LY86: variants seen among roughly 807,000 people sequenced by gnomAD.
The protein encoded by LY86 is lymphocyte antigen 86.
A neutral mutation model predicts 17.3 loss-of-function variants in LY86; 20 were observed. The ratio of observed to expected loss-of-function variants is 1.15; its 90% CI spans 0.81 to 1.68. The LOEUF (loss-of-function observed/expected upper bound fraction) is 1.68, where lower values mean the gene tolerates loss of function less well. Among genes scored for constraint, LY86 ranks in the 40% most tolerant of loss-of-function variants. The pLI, the probability that LY86 is intolerant of heterozygous loss-of-function variation, is 0.00. For missense variants in LY86, 200 were observed against 191.9 expected, an observed-to-expected ratio of 1.04 and a Z score of -0.25; for synonymous variants, 74 against 70.6, an observed-to-expected ratio of 1.05 and a Z score of -0.24.
chr6:6,652,290 C>T (rs1581254838), intron 4 of LY86, among the ~76,000 whole-genome samples: 3 of 152,018 alleles, frequency 2.0e-5, no homozygotes, highest in South Asian at 4.2e-4. Context: ...GTGGCTGGCC[C>T]GCAATGCACG....
rs866584797 is a variant in LY86, at chr6:6,617,846, T to C, written c.137-7080T>C. Reference sequence around the variant, plus strand: ...TGTTTTGTTTTGTTTTTTGTTTGTTTGTTTGTTTTCTTGAGACAGTGTCTC... The same window carrying C: ...TGTTTTGTTTTGTTTTTTGTTTGTTCGTTTGTTTTCTTGAGACAGTGTCTC... On this transcript the variant is annotated intron_variant, in intron 1 of 4. Coordinates refer to ENST00000230568, the MANE Select transcript of LY86 (RefSeq NM_004271.4). Among the ~76,000 whole-genome samples the C allele has an allele frequency of 2.6e-5, 4 of 152,192 alleles. No homozygotes were observed. The South Asian group carries it at 8.3e-4, about 31-fold the overall frequency.
chr6:6,605,977 A>C (rs1761124776), intron 1 of LY86, among the ~76,000 whole-genome samples: 1 of 152,082 alleles, frequency 6.6e-6, no homozygotes, highest in African/African-American at 2.4e-5. Context: ...CCAAAGAGCG[A>C]CCACCAGCAA....
intron 4 of LY86, among the ~76,000 whole-genome samples, chr6:6,652,537 T>C (rs921167856): frequency 6.6e-6 from 1 of 152,216 alleles, no homozygotes; most frequent in African/African-American, 2.4e-5. Context: ...TGCTGTCCTC[T>C]GTCTATGCCT....
At chr6:6,635,579 C>G (rs1413830470) in intron 3 of LY86, among the ~76,000 whole-genome samples, 1 of 152,176 alleles carries the variant, frequency 6.6e-6, no homozygotes, top group African/African-American at 2.4e-5. Context: ...TCTAGGGTAT[C>G]ACCTATGTTA....
At chr6:6,597,726 T>C (rs1760759318) in intron 1 of LY86, among the ~76,000 whole-genome samples, 1 of 152,230 alleles carries the variant, frequency 6.6e-6, no homozygotes, top group South Asian at 2.1e-4. Context: ...TGTGTGTCCC[T>C]CCTCCAGTGC....
chr6:6,613,297 G>A (rs1761445273), intron 1 of LY86, among the ~76,000 whole-genome samples: 1 of 152,246 alleles, frequency 6.6e-6, no homozygotes, highest in African/African-American at 2.4e-5. Flanking sequence ...CCCTTGTGCA[G>A]TCTAGGGGAC....
At chr6:6,651,099 ATCT>A (rs1235901950) in intron 4 of LY86, among the ~76,000 whole-genome samples, 3 of 152,230 alleles carry the variant, frequency 2.0e-5, no homozygotes, top group African/African-American at 7.2e-5. Context: ...TATATACCAC[ATCT>A]TCTTTATCCA....
intron 1 of LY86, among the ~76,000 whole-genome samples, chr6:6,602,182 C>T (rs1760930957): frequency 6.6e-6 from 1 of 152,202 alleles, no homozygotes; most frequent in Non-Finnish European, 1.5e-5. Context: ...CTGAAGAATG[C>T]TAATTATATA....
At chr6:6,647,963 T>TCACA (rs1561793391) in intron 3 of LY86, among the ~76,000 whole-genome samples, 2 of 127,886 alleles carry the variant, frequency 1.6e-5, no homozygotes, top group East Asian at 2.4e-4. Context: ...TCTTCAATCA[T>TCACA]CACATACACA....
At chr6:6,641,312 C>T (rs1762036153) in intron 3 of LY86, among the ~76,000 whole-genome samples, 1 of 152,220 alleles carries the variant, frequency 6.6e-6, no homozygotes, top group African/African-American at 2.4e-5. Flanking sequence ...TACTTATGCA[C>T]TATTGGACAC....
chr6:6,647,471 A>C (rs1762122774), intron 3 of LY86, among the ~76,000 whole-genome samples: 1 of 151,626 alleles, frequency 6.6e-6, no homozygotes, highest in Non-Finnish European at 1.5e-5. Flanking sequence ...TCTTCAGTCC[A>C]CCCCATTCAG....
chr6:6,633,327 C>G (rs1761920816), intron 3 of LY86, among the ~76,000 whole-genome samples: 1 of 152,182 alleles, frequency 6.6e-6, no homozygotes, highest in Non-Finnish European at 1.5e-5. Flanking sequence ...GGTAGAGACT[C>G]AGATTAAAGC....
chr6:6,608,229 T>C (rs1039367541), intron 1 of LY86, among the ~76,000 whole-genome samples: 15 of 152,268 alleles, frequency 9.9e-5, no homozygotes, highest in African/African-American at 3.4e-4. Context: ...AAAATACTAT[T>C]ATGTGCATAT....
At chr6:6,605,926 C>T (rs1014789071) in intron 1 of LY86, among the ~76,000 whole-genome samples, 7 of 152,172 alleles carry the variant, frequency 4.6e-5, no homozygotes, top group African/African-American at 1.4e-4. Context: ...AAGCTGCAGA[C>T]CTTCACAGTA....
At chr6:6,614,216 CA>C (rs1761489334) in intron 1 of LY86, among the ~76,000 whole-genome samples, 1 of 152,168 alleles carries the variant, frequency 6.6e-6, no homozygotes, top group South Asian at 2.1e-4. Context: ...TTCACAGCCG[CA>C]GAAGAACCAC....
chr6:6,593,594 CTGA>C (rs377647002), intron 1 of LY86, among the ~76,000 whole-genome samples: 109 of 152,320 alleles, frequency 7.2e-4, no homozygotes, highest in African/African-American at 2.3e-3. Context: ...ATCTTTGCTG[CTGA>C]TGATTTTGTA....
chr6:6,643,065 A>C (rs1274290204), intron 3 of LY86, among the ~76,000 whole-genome samples: 2 of 152,234 alleles, frequency 1.3e-5, no homozygotes, highest in Non-Finnish European at 2.9e-5. Flanking sequence ...GCCTCCCTGC[A>C]TGCAGGTATC....
intron 3 of LY86, among the ~76,000 whole-genome samples, chr6:6,635,939 C>CCTGA (rs749660893): frequency 1.3e-5 from 2 of 152,220 alleles, no homozygotes; most frequent in Non-Finnish European, 2.9e-5. Context: ...TTTCCTGTCC[C>CCTGA]CTGACTCATC....
chr6:6,639,328 C>G (rs557933799), intron 3 of LY86, among the ~76,000 whole-genome samples: 24 of 151,840 alleles, frequency 1.6e-4, no homozygotes, highest in Middle Eastern at 3.4e-3. Flanking sequence ...CAAATACAAA[C>G]AAGCCACAAG....
Sources: gnomAD v4.1 joint callset for allele counts (sites outside exome capture counted in the v4.1 genomes callset) on GRCh38, gnomAD v4.1.1 for gene constraint, MANE v1.5 for transcripts, NCBI Gene and HGNC (gene_info 2026-07-23, HGNC 2026-07-21) for gene names.